EVL: variants seen among roughly 807,000 people sequenced by gnomAD.
The protein encoded by EVL is ena/VASP-like protein.
EVL carries 21 observed loss-of-function variants against 59.6 expected under a neutral mutation model. The ratio of observed to expected loss-of-function variants is 0.35; its 90% confidence interval spans 0.25 to 0.51. The LOEUF is 0.51. EVL is among the 20% of genes least tolerant of loss of function. The probability of loss-of-function intolerance (pLI) is 0.97; values close to 1 mark genes in which losing one functional copy is unlikely to be tolerated. For synonymous variants in EVL, 198 were observed against 203.5 expected (o/e 0.97, Z 0.23); for missense variants, 462 against 546.6 (o/e 0.85, Z 1.54).
At chr14:100,065,125 G>A (rs2061903711), upstream of EVL, among the ~76,000 whole-genome samples, 1 of 151,900 alleles carries the variant, frequency 6.6e-6, no homozygotes, top group Non-Finnish European at 1.5e-5. Flanking sequence ...GCTAGTTAGT[G>A]GGGGGCCAGC....
chr14:100,035,973 A>G lies in EVL; in HGVS notation c.6-48714A>G, dbSNP rs572046251. On this transcript the variant is annotated intron_variant, in intron 1 of 13. Transcript: ENST00000402714. ...CAGTTTTGTCATCTAAGAATTCTCT[A>G]TGGCAGGGGTCCCCAACCCCTCAGG... Among the ~76,000 whole-genome samples the G allele has an allele frequency of 1.6e-4, 24 of 152,200 alleles. 1 individual carries two copies. The highest frequency in any genetic ancestry group is 1.5e-3 in the South Asian group (7 of 4,818).
intron 3 of EVL, among the ~76,000 whole-genome samples, chr14:100,100,809 ATG>A (rs1485049857): frequency 8.1e-5 from 12 of 148,902 alleles, no homozygotes; most frequent in African/African-American, 3.0e-4. Flanking sequence ...AAAAAAAAAA[ATG>A]GAAGTATGAA....
intron 1 of EVL, among the ~76,000 whole-genome samples, chr14:100,004,241 G>A (rs143755199): frequency 6.8e-4 from 104 of 152,228 alleles, no homozygotes; most frequent in Non-Finnish European, 1.3e-3. Flanking sequence ...ACAAATGTTA[G>A]CATCAGGCCA....
chr14:100,091,087 C>T (rs2062554629), intron 2 of EVL, among the ~76,000 whole-genome samples: 1 of 152,198 alleles, frequency 6.6e-6, no homozygotes, highest in African/African-American at 2.4e-5. Context: ...TTCATCGACG[C>T]TTCCTAGCTG....
intron 1 of EVL, among the ~76,000 whole-genome samples, chr14:100,042,163 G>A (rs997299590): frequency 6.6e-6 from 1 of 152,004 alleles, no homozygotes; most frequent in Non-Finnish European, 1.5e-5. Flanking sequence ...TTACATTTTT[G>A]TACTAAGTCT....
At chr14:100,129,006 T>C (rs954289597) in intron 6 of EVL, among the ~76,000 whole-genome samples, 1 of 152,150 alleles carries the variant, frequency 6.6e-6, no homozygotes, top group African/African-American at 2.4e-5. Context: ...GATGAGGAAA[T>C]TGAAGCACAA....
intron 1 of EVL, among the ~76,000 whole-genome samples, chr14:100,006,562 C>T (rs562154668): frequency 6.6e-6 from 1 of 152,156 alleles, no homozygotes; most frequent in African/African-American, 2.4e-5. Flanking sequence ...GCTGGGATTA[C>T]AGGTGTGAGC....
intron 1 of EVL, among the ~76,000 whole-genome samples, chr14:99,983,520 C>A (rs576796332): frequency 6.6e-6 from 1 of 152,272 alleles, no homozygotes; most frequent in South Asian, 2.1e-4. Context: ...TTTTGGCAGC[C>A]GCCTACACCC....
chr14:100,107,290 A>C, intron 3 of EVL: 1 of 398,676 alleles, frequency 2.5e-6, no homozygotes, highest in Non-Finnish European at 4.4e-6. Flanking sequence ...AGCTGATGGC[A>C]CTCGACCACA....
rs187891585 is a variant in EVL, at chr14:99,994,940, T to G, written c.5+22883T>G. Among the ~76,000 whole-genome samples the G allele has an allele frequency of 4.3e-4, 65 of 152,330 alleles. No individual in the cohort carries two copies. In the East Asian group the frequency reaches 0.012, roughly 29 times the overall value. ...ATGTAGTATTCTTATTTGACAGTTA[T>G]TTTTTCCTTTCAGCACTTTGAATAT... On this transcript the variant is annotated intron_variant, in intron 1 of 13. Coordinates refer to the EVL transcript ENST00000402714.
At chr14:100,101,847 T>G (rs1043736749) in intron 3 of EVL, among the ~76,000 whole-genome samples, 2 of 152,140 alleles carry the variant, frequency 1.3e-5, no homozygotes, top group African/African-American at 4.8e-5. Context: ...TGCATTTTTC[T>G]TTTTTTGGGA....
intron 1 of EVL, among the ~76,000 whole-genome samples, chr14:100,000,041 A>T (rs1300198748): frequency 6.6e-6 from 1 of 152,188 alleles, no homozygotes; most frequent in African/African-American, 2.4e-5. Flanking sequence ...CAGCTAGTCC[A>T]CCAGTATTGG....
intron 11 of EVL, chr14:100,138,044 A>C (rs984917168): frequency 3.4e-6 from 2 of 580,446 alleles, no homozygotes; most frequent in African/African-American, 3.8e-5. Flanking sequence ...GAGGTAGTGC[A>C]GGGGGGGGCC....
chr14:100,056,370 A>G (rs1230172427), intron 1 of EVL, among the ~76,000 whole-genome samples: 2 of 151,014 alleles, frequency 1.3e-5, no homozygotes, highest in African/African-American at 2.4e-5. Flanking sequence ...TCTCTATTTC[A>G]GCAATTATAT....
At chr14:99,980,540 A>G (rs2060799610) in intron 1 of EVL, among the ~76,000 whole-genome samples, 2 of 152,236 alleles carry the variant, frequency 1.3e-5, no homozygotes, top group South Asian at 2.1e-4. Context: ...TTGGAGTTCT[A>G]CAGAATGCAG....
upstream of EVL, among the ~76,000 whole-genome samples, chr14:100,064,540 G>A (rs1044259997): frequency 6.6e-6 from 1 of 152,194 alleles, no homozygotes; most frequent in Admixed American, 6.5e-5. Context: ...GCTCTAAATT[G>A]CTGACTTAAA....
At chr14:100,030,215 C>T (rs2061291157) in intron 1 of EVL, among the ~76,000 whole-genome samples, 1 of 151,860 alleles carries the variant, frequency 6.6e-6, no homozygotes, top group South Asian at 2.1e-4. Context: ...CCGCAGCCTC[C>T]CAAGTAGCTG....
intron 1 of EVL, among the ~76,000 whole-genome samples, chr14:99,988,957 A>G (rs553004966): frequency 6.6e-6 from 1 of 152,354 alleles, no homozygotes; most frequent in East Asian, 1.9e-4. Context: ...ACTGCTAATG[A>G]GTACAAGATT....
At chr14:100,084,884 G>T in intron 2 of EVL, 29 bp downstream of exon 2, 1 of 1,609,012 alleles carries the variant, frequency 6.2e-7, no homozygotes, top group South Asian at 1.1e-5. Context: ...GATTATACCC[G>T]TGAGCCTGCG....
Sources: allele counts gnomAD v4.1 joint callset (sites outside exome capture counted in the v4.1 genomes callset), GRCh38; gene constraint gnomAD v4.1.1; transcripts MANE v1.5; gene names NCBI Gene and HGNC (gene_info 2026-07-23, HGNC 2026-07-21).